The following CCDC30 variants were observed in gnomAD, a reference collection of about 807,000 sequenced individuals.
The protein encoded by CCDC30 is coiled-coil domain-containing protein 30.
A neutral mutation model predicts 100.2 loss-of-function variants in CCDC30; 70 were observed. The ratio of observed to expected loss-of-function variants is 0.70; its 90% CI spans 0.58 to 0.85. The LOEUF (loss-of-function observed/expected upper bound fraction) is 0.85. Ranked by LOEUF, CCDC30 falls within the 40% of genes least tolerant of loss-of-function variation. The pLI is 0.00. For missense variants in CCDC30, 652 were observed against 771.2 expected (o/e 0.85, Z 1.83); for synonymous variants, 233 against 269.5 (o/e 0.86, Z 1.33).
chr1:42,503,287 A>G lies in CCDC30; in HGVS notation c.456+4371A>G, dbSNP rs541692279. Among the ~76,000 whole-genome samples the G allele has an allele frequency of 2.0e-5, 3 of 152,316 alleles. No individual in the cohort carries two copies. In the South Asian group the frequency reaches 6.2e-4, roughly 32 times the overall value. On this transcript the variant is annotated intron_variant, in intron 6 of 16. Coordinates refer to ENST00000668663, the Ensembl canonical transcript of CCDC30. The stretch of plus-strand genomic sequence containing the variant: ...ACACGTGGGTGGGCTAAGGAGTGGA[A>G]AGTTTAATAGGCAGAGGAAAAGAGA...
At chr1:42,618,229 CTTTTTTTTTTTTTT>C (rs563022326) in intron 11 of CCDC30, among the ~76,000 whole-genome samples, 2 of 90,462 alleles carry the variant, frequency 2.2e-5, no homozygotes, top group African/African-American at 9.1e-5. Context: ...CCAGTGATAT[CTTTTTTTTTTTTTT>C]TTTTTTTTTT....
intron 10 of CCDC30, among the ~76,000 whole-genome samples, chr1:42,605,305 T>C (rs571302051): frequency 5.3e-5 from 8 of 152,218 alleles, no homozygotes; most frequent in African/African-American, 1.9e-4. Context: ...GTGAGGGGAG[T>C]ATCTTTTGGA....
chr1:42,467,276 C>T (rs1643620155), intron 1 of CCDC30, among the ~76,000 whole-genome samples: 1 of 152,190 alleles, frequency 6.6e-6, no homozygotes, highest in African/African-American at 2.4e-5. Context: ...TGGAGTTTTG[C>T]TGAGAATGGA....
chr1:42,496,986 T>C (rs945415535), intron 4 of CCDC30, 112 bp from the exon 5 acceptor site: 5 of 439,786 alleles, frequency 1.1e-5, no homozygotes, highest in African/African-American at 1.0e-4. Flanking sequence ...AGAGACATGG[T>C]AGGACTGACA....
chr1:42,500,158 G>A (rs1644287285), intron 6 of CCDC30: 1 of 1,407,232 alleles, frequency 7.1e-7, no homozygotes, highest in Non-Finnish European at 1.0e-6. Context: ...AAAATAAGAA[G>A]GCAATGCTTG....
upstream of CCDC30, chr1:42,460,206 G>T (rs1412598866): frequency 1.8e-6 from 2 of 1,122,462 alleles, no homozygotes; most frequent in Non-Finnish European, 2.2e-6. Flanking sequence ...CTGAATGTCA[G>T]CCATCTTTAT....
chr1:42,545,523 T>G (rs375199706), intron 6 of CCDC30: 36 of 1,605,944 alleles, frequency 2.2e-5, no homozygotes, highest in Middle Eastern at 1.6e-4. Context: ...CTGAATCTAA[T>G]GAACCAATTT....
intron 15 of CCDC30, among the ~76,000 whole-genome samples, chr1:42,647,730 T>C (rs1570351036): frequency 6.6e-6 from 1 of 152,178 alleles, no homozygotes; most frequent in East Asian, 1.9e-4. Context: ...GTATCTTCTT[T>C]GAACACAATG....
At chr1:42,456,110 G>A in the CCDC30 span, 4 of 804,536 alleles carry the variant, frequency 5.0e-6, no homozygotes, top group Middle Eastern at 3.0e-4. Flanking sequence ...CAAGGGCAGA[G>A]GGCGGCGGGA....
At chr1:42,646,263 T>G (rs1025034129) in exon 15 of CCDC30, 3 of 1,550,738 alleles carry the variant, frequency 1.9e-6, no homozygotes, top group Non-Finnish European at 2.6e-6. Context: ...AACTCCAGCA[T>G]GAGGATGAGT....
At chr1:42,564,519 A>ACCTCAGATGATCCACCCACCTCGG (rs370943075) in intron 6 of CCDC30, among the ~76,000 whole-genome samples, 2 of 151,142 alleles carry the variant, frequency 1.3e-5, no homozygotes, top group African/African-American at 2.4e-5. Flanking sequence ...TGAACTCCTG[A>ACCTCAGATGATCCACCCACCTCGG]CCTCCCAAAG....
intron 2 of CCDC30, among the ~76,000 whole-genome samples, chr1:42,482,417 G>T (rs1355393496): frequency 6.6e-6 from 1 of 151,950 alleles, no homozygotes; most frequent in African/African-American, 2.4e-5. Context: ...TGGATGTTAG[G>T]TTGAACCACA....
intron 3 of CCDC30, among the ~76,000 whole-genome samples, chr1:42,484,418 G>A (rs952750951): frequency 2.6e-4 from 39 of 152,180 alleles, no homozygotes; most frequent in African/African-American, 9.2e-4. Context: ...AAAAAGGAAA[G>A]CAGGATATTC....
In CCDC30 at chr1:42,608,544, C is replaced by CA. The variant is rs375199578; in HGVS notation, c.1165-2425dup. Among the ~76,000 whole-genome samples, 20 of 149,908 alleles carry CA rather than the reference C, an allele frequency of 1.3e-4. No individual in the cohort carries two copies. In the East Asian group the frequency reaches 1.6e-3, roughly 12 times the overall value. On this transcript the variant is annotated intron_variant, in intron 10 of 16. Coordinates refer to ENST00000668663, the Ensembl canonical transcript of CCDC30. ...GTGAAACCCGTCTCTAGTAAAAATA[C>CA]AAAAAAAAATTAGCCGGACGTGGCG... is the stretch of plus-strand genomic sequence containing the variant.
chr1:42,481,441 G>A (rs1024090510), intron 2 of CCDC30, among the ~76,000 whole-genome samples: 6 of 151,960 alleles, frequency 3.9e-5, no homozygotes, highest in Admixed American at 1.3e-4. Flanking sequence ...GCCAGGCATC[G>A]TGGTGCACAC....
chr1:42,619,544 G>A lies in CCDC30; in HGVS notation c.1277+8454G>A, dbSNP rs78811610. Among the ~76,000 whole-genome samples the A allele has an allele frequency of 3.1e-3, 469 of 152,266 alleles. 1 individual carries two copies. The highest frequency in any genetic ancestry group is 0.011 in the African/African-American group (447 of 41,534). On this transcript the variant is annotated intron_variant, in intron 11 of 16. Coordinates refer to ENST00000668663, the Ensembl canonical transcript of CCDC30. ...CCATCTTGAGATTACAGAAAGAATG[G>A]GGGCTTAGATCATGGCAAAACAGGT...
chr1:42,519,076 A>AG (rs1391799148), intron 6 of CCDC30, among the ~76,000 whole-genome samples: 2 of 152,168 alleles, frequency 1.3e-5, no homozygotes, highest in African/African-American at 4.8e-5. Flanking sequence ...AACCTGATGT[A>AG]TTACATTGAT....
chr1:42,561,506 A>T (rs1645486616), intron 6 of CCDC30, among the ~76,000 whole-genome samples: 1 of 152,234 alleles, frequency 6.6e-6, no homozygotes, highest in Non-Finnish European at 1.5e-5. Flanking sequence ...TATCATATTG[A>T]ATGGGCAAAA....
At chr1:42,498,673 T>C (rs1206966267) in intron 5 of CCDC30, 145 bp from the exon 6 acceptor site, 1 of 403,924 alleles carries the variant, frequency 2.5e-6, no homozygotes, top group South Asian at 1.4e-4. Flanking sequence ...TGAAGGAAAA[T>C]ACCATTTTTT....
Sources: allele counts gnomAD v4.1 joint callset (sites outside exome capture counted in the v4.1 genomes callset), GRCh38; gene constraint gnomAD v4.1.1; transcripts MANE v1.5; gene names NCBI Gene and HGNC (gene_info 2026-07-23, HGNC 2026-07-21).